SLC30A10: variants seen among roughly 807,000 people sequenced by gnomAD.
SLC30A10 encodes solute carrier family 30 member 10.
In SLC30A10, 8 loss-of-function variants were observed where a neutral mutation model predicts 21.7. That is an observed-to-expected ratio of 0.37 (90% CI 0.22 to 0.67). SLC30A10 has a LOEUF of 0.67. SLC30A10 is among the 30% of genes least tolerant of loss of function. The pLI, the probability that SLC30A10 is intolerant of heterozygous loss-of-function variation, is 0.58. For missense variants in SLC30A10, 521 were observed against 642.5 expected, an observed-to-expected ratio of 0.81 and a Z score of 2.04; for synonymous variants, 272 against 279.4, an observed-to-expected ratio of 0.97 and a Z score of 0.26.
At chr1:219,935,292 A>G (rs1660031191) in intron 1 of SLC30A10, among the ~76,000 whole-genome samples, 1 of 152,202 alleles carries the variant, frequency 6.6e-6, no homozygotes. Flanking sequence ...ACAATCCAAC[A>G]CAGATGGCAA....
At chr1:219,925,648 T>C (rs1232302234) in intron 2 of SLC30A10, among the ~76,000 whole-genome samples, 2 of 64,372 alleles carry the variant, frequency 3.1e-5, no homozygotes, top group African/African-American at 1.5e-4. Context: ...TATATATATA[T>C]ATATTTTTTT....
At chr1:219,929,604 T>A (rs907323332), upstream of SLC30A10, among the ~76,000 whole-genome samples, 2 of 151,850 alleles carry the variant, frequency 1.3e-5, no homozygotes, top group African/African-American at 4.8e-5. Flanking sequence ...CACTGCAACC[T>A]CCGCCTCTCG....
chr1:219,915,913 C>T lies in SLC30A10; in HGVS notation c.994G>A (p.Val332Ile), dbSNP rs759514230. ...KLSAVPGISS[V>I]HEVHIWELVS... ...AGTTCCCAGATGTGCACTTCATGTA[C>T]ACTGCTAATTCCAGGCACAGCAGAG... The change falls in exon 4 of 4, where the codon GTA (valine) becomes ATA (isoleucine). Residue 332 changes from valine (V) to isoleucine (I), a missense_variant. Coordinates refer to ENST00000366926, the MANE Select transcript of SLC30A10 (RefSeq NM_018713.3). 1.6e-5 allele frequency: 26 copies of T among 1,613,968 alleles called. No individual in the cohort carries two copies. In the Admixed American group the frequency reaches 3.8e-4, roughly 24 times the overall value.
chr1:219,950,715 C>T (rs1037580912), intron 1 of SLC30A10, among the ~76,000 whole-genome samples: 6 of 151,586 alleles, frequency 4.0e-5, no homozygotes, highest in Admixed American at 2.0e-4. Context: ...TTTGGGAGGC[C>T]GAGACAGGTG....
chr1:219,930,195 G>A (rs1189772513), upstream of SLC30A10, among the ~76,000 whole-genome samples: 1 of 151,370 alleles, frequency 6.6e-6, no homozygotes, highest in African/African-American at 2.5e-5. Context: ...ACACAGGTCA[G>A]GCGTGGTGGC....
Position 219,911,148 on chromosome 1 carries a change from A to ATTTTTTTTTTT in SLC30A10, c.*4300_*4301insAAAAAAAAAAA, listed in dbSNP as rs1659399888. Among the ~76,000 whole-genome samples, 10 of 38,564 alleles carry ATTTTTTTTTTT rather than the reference A, an allele frequency of 2.6e-4. No individual in the cohort carries two copies. Among genetic ancestry groups the ATTTTTTTTTTT allele is most frequent in the Non-Finnish European group, 4.2e-4 (10 of 23,680 alleles). 25.3% of individuals were successfully genotyped at this position (38,564 alleles called of 152,430 possible). A position where few individuals can be genotyped will look rare whatever the true frequency, so the allele number is the denominator to read the frequency against. ...CATGTTTCTTCATTTTTTCTACATC[A>ATTTTTTTTTTT]GTTTTTTTTTTTTTTTTTTTTTTTT... On this transcript the variant is annotated 3_prime_UTR_variant, in exon 4 of 4. Coordinates refer to ENST00000366926, the MANE Select transcript of SLC30A10 (RefSeq NM_018713.3).
rs374870492 is a variant in SLC30A10, at chr1:219,918,693, C to T, written c.719-199G>A. ...AAAACCCCAGGCCACCATCGCAGGA[C>T]TCAGAGTACCTTGGAAGAGCAACAG... On this transcript the variant is annotated intron_variant, in intron 2 of 3. Coordinates refer to ENST00000366926, the MANE Select transcript of SLC30A10 (RefSeq NM_018713.3). This position sits in a 1 kb window ranked among gnomAD's most constrained non-coding sequence, Gnocchi z 4.4. The T allele has an allele frequency of 3.6e-4, 199 of 546,318 alleles. No homozygotes were observed. The highest frequency in any genetic ancestry group is 3.5e-3 in the African/African-American group (180 of 52,092). The allele number at this position is 546,318 out of a possible 1,614,324, so 33.8% of individuals were successfully genotyped here.
intron 1 of SLC30A10, among the ~76,000 whole-genome samples, chr1:219,939,120 G>T (rs1660083647): frequency 6.6e-6 from 1 of 152,140 alleles, no homozygotes; most frequent in Admixed American, 6.5e-5. Context: ...GGGCTAGAAA[G>T]ATACAAAAAA....
chr1:219,926,073 T>A (rs1346547196), intron 2 of SLC30A10, among the ~76,000 whole-genome samples: 1 of 152,146 alleles, frequency 6.6e-6, no homozygotes, highest in East Asian at 1.9e-4. Context: ...GAGAGCAAAT[T>A]CCCCTGTTGC....
chr1:219,958,813 C>T (rs1015817161), upstream of SLC30A10, among the ~76,000 whole-genome samples: 2 of 152,140 alleles, frequency 1.3e-5, no homozygotes, highest in Non-Finnish European at 2.9e-5. Flanking sequence ...GCCGTAAGTG[C>T]TCTTCTTGTG....
At chr1:219,916,296 C>CA (rs569564922) in intron 3 of SLC30A10, among the ~76,000 whole-genome samples, 3 of 151,574 alleles carry the variant, frequency 2.0e-5, no homozygotes, top group South Asian at 2.1e-4. Flanking sequence ...CAACATGGAT[C>CA]AAAAAAAACC....
chr1:219,941,196 T>C (rs1033996310), intron 1 of SLC30A10, among the ~76,000 whole-genome samples: 3 of 152,236 alleles, frequency 2.0e-5, no homozygotes, highest in African/African-American at 7.2e-5. Context: ...TTGAATGATA[T>C]GCTTGCAACC....
intron 1 of SLC30A10, among the ~76,000 whole-genome samples, chr1:219,947,968 C>T (rs1660212268): frequency 6.6e-6 from 1 of 151,768 alleles, no homozygotes; most frequent in Non-Finnish European, 1.5e-5. Context: ...ACACCAATAA[C>T]AGACAAACAG....
intron 1 of SLC30A10, among the ~76,000 whole-genome samples, chr1:219,953,728 A>C (rs1214264927): frequency 7.6e-6 from 1 of 131,924 alleles, no homozygotes; most frequent in Non-Finnish European, 1.6e-5. Context: ...TATTTTTGAG[A>C]CTGAGTCTTG....
At chr1:219,947,565 G>A (rs946098046) in intron 1 of SLC30A10, among the ~76,000 whole-genome samples, 13 of 152,064 alleles carry the variant, frequency 8.5e-5, no homozygotes, top group Non-Finnish European at 1.3e-4. Context: ...ATTCTCTAAA[G>A]ACACCTATTC....
chr1:219,953,560 G>C (rs1286432886), intron 1 of SLC30A10, among the ~76,000 whole-genome samples: 2 of 151,262 alleles, frequency 1.3e-5, no homozygotes, highest in African/African-American at 4.9e-5. Flanking sequence ...CCGAGACTGT[G>C]CCACTGCACT....
At position 219,911,149 on chromosome 1, in the gene SLC30A10, G is replaced by GTTTTTTTTTTTTTTTTTTTTTT; in HGVS notation, c.*4278_*4299dup. On this transcript the variant is annotated 3_prime_UTR_variant, in exon 4 of 4. Transcript: ENST00000366926. ...ATGTTTCTTCATTTTTTCTACATCA[G>GTTTTTTTTTTTTTTTTTTTTTT]TTTTTTTTTTTTTTTTTTTTTTTTT... is the stretch of plus-strand genomic sequence containing the variant. 1.2e-3 allele frequency among the ~76,000 whole-genome samples: 61 copies of GTTTTTTTTTTTTTTTTTTTTTT among 49,408 alleles called. 6 individuals carry two copies. Among genetic ancestry groups the GTTTTTTTTTTTTTTTTTTTTTT allele is most frequent in the Non-Finnish European group, 1.7e-3 (38 of 22,428 alleles). 32.4% of individuals were successfully genotyped at this position (49,408 alleles called of 152,430 possible). A position where few individuals can be genotyped will look rare whatever the true frequency, so the allele number is the denominator to read the frequency against.
chr1:219,928,080 C>T lies in SLC30A10; in HGVS notation c.361G>A (p.Val121Ile). ...ACCACGTTGACCAACAGCCCCAGGA[C>T]GCCGACGATGAGCACCAGCTCGGGG... is the stretch of plus-strand genomic sequence containing the variant. ...DDPELVLIVG[V>I]LGLLVNVVGL... Residue 121 changes from valine (V) to isoleucine (I), a missense_variant, in exon 1 of 4, where the codon GTC (valine) becomes ATC (isoleucine). Transcript: ENST00000366926. The surrounding 1 kb of genome is among the most constrained non-coding windows in gnomAD (Gnocchi z 6.3). 6.3e-7 allele frequency: 1 copy of T among 1,588,356 alleles called. No individual in the cohort carries two copies. Among genetic ancestry groups the T allele is most frequent in the Admixed American group, 1.7e-5 (1 of 57,404 alleles).
chr1:219,918,681 A>C lies in SLC30A10; in HGVS notation c.719-187T>G. 1 of 612,410 alleles carries C rather than the reference A, an allele frequency of 1.6e-6. No individual in the cohort carries two copies. The highest frequency in any genetic ancestry group is 2.6e-6 in the Non-Finnish European group (1 of 379,376). 37.9% of individuals were successfully genotyped at this position (612,410 alleles called of 1,614,324 possible). On this transcript the variant is annotated intron_variant, in intron 2 of 3. Coordinates refer to ENST00000366926, the MANE Select transcript of SLC30A10 (RefSeq NM_018713.3). The surrounding 1 kb of genome is among the most constrained non-coding windows in gnomAD (Gnocchi z 4.4). ...TTCTTAGGAAACAAAACCCCAGGCC[A>C]CCATCGCAGGACTCAGAGTACCTTG...
Sources: gnomAD v4.1 joint callset for allele counts (sites outside exome capture counted in the v4.1 genomes callset) on GRCh38, gnomAD v4.1.1 for gene constraint, Gnocchi (gnomAD v3.1) non-coding constraint, MANE v1.5 for transcripts, NCBI Gene and HGNC (gene_info 2026-07-23, HGNC 2026-07-21) for gene names.